IQCJ: variants seen among roughly 807,000 people sequenced by gnomAD.
The protein encoded by IQCJ is IQ motif containing J, also known as IQ domain-containing protein J.
A neutral mutation model predicts 11.0 loss-of-function variants in IQCJ; 9 were observed. The ratio of observed to expected loss-of-function variants is 0.82; its 90% CI spans 0.49 to 1.43. The LOEUF is 1.43. Among genes scored for constraint, IQCJ ranks in the 40% most tolerant of loss-of-function variants. The pLI, the probability that IQCJ is intolerant of heterozygous loss-of-function variation, is 0.00. For missense variants in IQCJ, 146 were observed against 133.2 expected (o/e 1.10, Z -0.47); for synonymous variants, 55 against 51.3 (o/e 1.07, Z -0.31).
At chr3:159,149,729 T>C (rs1182561086) in intron 1 of IQCJ, among the ~76,000 whole-genome samples, 1 of 152,230 alleles carries the variant, frequency 6.6e-6, no homozygotes, top group African/African-American at 2.4e-5. Context: ...AAACTACAAG[T>C]AAATTGGATT....
rs1392766729 is a variant in IQCJ at position 159,262,920 on chromosome 3, G to A, written c.*189G>A. ...TCTGGAGAAAATAGATTGCATTTAT[G>A]TGTTCTCATTTCTCTATTATGGAGG... is the stretch of plus-strand genomic sequence containing the variant. On this transcript the variant is annotated 3_prime_UTR_variant, in exon 4 of 4. Coordinates refer to ENST00000397832, the MANE Select transcript of IQCJ (RefSeq NM_001042706.3). The A allele has an allele frequency of 5.1e-6, 7 of 1,361,500 alleles. No homozygotes were observed. Among genetic ancestry groups the A allele is most frequent in the African/African-American group, 1.5e-5 (1 of 68,816 alleles). The allele number at this position is 1,361,500 out of a possible 1,614,324, so 84.3% of individuals were successfully genotyped here. A position where few individuals can be genotyped will look rare whatever the true frequency, so the allele number is the denominator to read the frequency against.
At chr3:159,116,465 G>A (rs1237748084) in intron 1 of IQCJ, among the ~76,000 whole-genome samples, 1 of 151,132 alleles carries the variant, frequency 6.6e-6, no homozygotes, top group Non-Finnish European at 1.5e-5. Flanking sequence ...AGAAGATTGT[G>A]GATCTCTTAA....
chr3:159,091,412 A>G (rs1717273306), intron 1 of IQCJ, among the ~76,000 whole-genome samples: 2 of 151,742 alleles, frequency 1.3e-5, no homozygotes, highest in South Asian at 4.2e-4. Flanking sequence ...TACCTTGTGG[A>G]AAGAGTTATA....
chr3:159,101,894 A>C (rs1050589620), intron 1 of IQCJ, among the ~76,000 whole-genome samples: 3 of 152,236 alleles, frequency 2.0e-5, no homozygotes, highest in Non-Finnish European at 4.4e-5. Context: ...AATCTCCATG[A>C]GCATATACTT....
chr3:159,225,405 G>A (rs2108131634), intron 1 of IQCJ, among the ~76,000 whole-genome samples: 1 of 152,280 alleles, frequency 6.6e-6, no homozygotes, highest in South Asian at 2.1e-4. Context: ...GGTTATGGCT[G>A]TAAGGGGGGA....
At chr3:159,076,123 G>A (rs1008295740) in intron 1 of IQCJ, among the ~76,000 whole-genome samples, 32 of 152,036 alleles carry the variant, frequency 2.1e-4, no homozygotes, top group African/African-American at 7.2e-4. Flanking sequence ...ATTTCTCACT[G>A]AGCTTAAAAA....
intron 1 of IQCJ, among the ~76,000 whole-genome samples, chr3:159,160,191 G>C (rs1721756097): frequency 6.6e-6 from 1 of 152,200 alleles, no homozygotes; most frequent in African/African-American, 2.4e-5. Context: ...GATATTGGGA[G>C]AGATGCTGCC....
chr3:159,170,643 C>CTT (rs141891539), intron 1 of IQCJ, among the ~76,000 whole-genome samples: 1 of 146,710 alleles, frequency 6.8e-6, no homozygotes, highest in Non-Finnish European at 1.5e-5. Context: ...GCTCCTCACC[C>CTT]TTTTTTTTTT....
intron 1 of IQCJ, among the ~76,000 whole-genome samples, chr3:159,165,709 G>A (rs1722125232): frequency 6.6e-6 from 1 of 151,464 alleles, no homozygotes; most frequent in African/African-American, 2.4e-5. Context: ...TGCCTCCCGG[G>A]TTCAAGCAAT....
chr3:159,252,762 A>G lies in IQCJ; in HGVS notation c.110A>G (p.Glu37Gly), dbSNP rs1425259601. The change falls in exon 3 of 4, where the codon GAA (glutamate) becomes GGA (glycine). Residue 37 changes from glutamate to glycine, a missense_variant. Coordinates refer to ENST00000397832, the MANE Select transcript of IQCJ (RefSeq NM_001042706.3). ...GCCATGGATGCAGAGAATAATATTG[A>G]AAAGTATCCCCTCAATCTACAGCCC... ...QLAMDAENNI[E>G]KYPLNLQPLE... 1 of 1,612,808 alleles carries G rather than the reference A, an allele frequency of 6.2e-7. No individual in the cohort carries two copies. The highest frequency in any genetic ancestry group is 1.7e-5 in the Admixed American group (1 of 59,904).
chr3:159,218,327 T>C (rs534773408), intron 1 of IQCJ, among the ~76,000 whole-genome samples: 1 of 147,796 alleles, frequency 6.8e-6, no homozygotes, highest in East Asian at 2.0e-4. Flanking sequence ...TAAGAGGGAG[T>C]ATAGAGTCCC....
intron 1 of IQCJ, among the ~76,000 whole-genome samples, chr3:159,176,704 C>T (rs9877316): frequency 0.15 from 23,427 of 152,056 alleles, 1,859 homozygotes; most frequent in Middle Eastern, 0.2. Flanking sequence ...AACATGTACT[C>T]AATGCGAAAA....
intron 1 of IQCJ, among the ~76,000 whole-genome samples, chr3:159,110,081 C>T (rs192069139): frequency 1.2e-3 from 183 of 152,228 alleles, no homozygotes; most frequent in African/African-American, 4.3e-3. Context: ...CAATATCAGA[C>T]TATTTATAGC....
intron 1 of IQCJ, among the ~76,000 whole-genome samples, chr3:159,120,190 A>G (rs1719283054): frequency 6.6e-6 from 1 of 152,152 alleles, no homozygotes; most frequent in African/African-American, 2.4e-5. Context: ...CTGGCCCTGC[A>G]CTTTGGAGAG....
chr3:159,168,505 A>G (rs1403015917), intron 1 of IQCJ, among the ~76,000 whole-genome samples: 2 of 152,210 alleles, frequency 1.3e-5, no homozygotes, highest in South Asian at 2.1e-4. Context: ...AACCACTACA[A>G]TTAAGTGATC....
At chr3:159,195,068 G>A (rs558349797) in intron 1 of IQCJ, among the ~76,000 whole-genome samples, 9 of 151,270 alleles carry the variant, frequency 5.9e-5, no homozygotes, top group Admixed American at 3.3e-4. Context: ...CTGAGATTGC[G>A]CCATTGCACT....
At chr3:159,223,637 A>G (rs4680499) in intron 1 of IQCJ, among the ~76,000 whole-genome samples, 1,628 of 152,300 alleles carry the variant, frequency 0.011, 61 homozygotes, top group Admixed American at 0.065. Context: ...GAGGCATTTT[A>G]CCATATATGT....
intron 1 of IQCJ, among the ~76,000 whole-genome samples, chr3:159,114,519 C>T (rs1221151256): frequency 6.8e-6 from 1 of 147,016 alleles, no homozygotes; most frequent in Non-Finnish European, 1.5e-5. Flanking sequence ...CCATGTTGGC[C>T]AGGCTGGTCT....
intron 1 of IQCJ, among the ~76,000 whole-genome samples, chr3:159,193,756 G>A (rs1723821431): frequency 6.6e-6 from 1 of 152,184 alleles, no homozygotes; most frequent in African/African-American, 2.4e-5. Context: ...TCAAGGGATA[G>A]TGCCATATGG....
Sources: gnomAD v4.1 joint callset for allele counts (sites outside exome capture counted in the v4.1 genomes callset) on GRCh38, gnomAD v4.1.1 for gene constraint, MANE v1.5 for transcripts, NCBI Gene and HGNC (gene_info 2026-07-23, HGNC 2026-07-21) for gene names.